The following SLC25A20 variants were observed in gnomAD, a reference collection of about 807,000 sequenced individuals.
SLC25A20 encodes the protein mitochondrial carnitine/acylcarnitine carrier protein.
SLC25A20 carries 29 observed loss-of-function variants against 39.7 expected under a neutral mutation model. The ratio of observed to expected loss-of-function variants is 0.73; its 90% CI spans 0.54 to 1.00. The LOEUF (loss-of-function observed/expected upper bound fraction) is 1.00, where lower values mean the gene tolerates loss of function less well. SLC25A20 is among the 50% of genes least tolerant of loss of function. The pLI, the probability that SLC25A20 is intolerant of heterozygous loss-of-function variation, is 0.00. For missense variants in SLC25A20, 333 were observed against 379.9 expected, an observed-to-expected ratio of 0.88 and a Z score of 1.03; for synonymous variants, 103 against 142.2, an observed-to-expected ratio of 0.72 and a Z score of 1.96.
chr3:48,863,724 A>T (rs1225489538), intron 4 of SLC25A20, among the ~76,000 whole-genome samples: 1 of 152,232 alleles, frequency 6.6e-6, no homozygotes, highest in Non-Finnish European at 1.5e-5. Flanking sequence ...CAGTTAAAAA[A>T]TAATAGAAAA....
At chr3:48,865,975 A>G (rs1303112808) in intron 4 of SLC25A20, among the ~76,000 whole-genome samples, 1 of 147,150 alleles carries the variant, frequency 6.8e-6, no homozygotes, top group Admixed American at 6.8e-5. Flanking sequence ...CTAAAAATAC[A>G]AAAAAAAAAT....
intron 1 of SLC25A20, 116 bp from the exon 2 acceptor site, chr3:48,892,188 T>G: frequency 1.3e-6 from 1 of 785,634 alleles, no homozygotes; most frequent in East Asian, 2.5e-5. Flanking sequence ...TACATGTCTT[T>G]GGCATTCACT....
chr3:48,898,743 C>T lies in SLC25A20; in HGVS notation c.52G>A (p.Gly18Ser). ...ISPLKNLLAG[G>S]FGGVCLVFVG... Reference sequence around the variant, plus strand: ...AACACCAGGCACACGCCGCCAAAGCCGCCGGCCAGCAGGTTCTTGAGCGGG... The same window carrying T: ...AACACCAGGCACACGCCGCCAAAGCTGCCGGCCAGCAGGTTCTTGAGCGGG... The change falls in exon 1 of 9, where the codon GGC (glycine) becomes AGC (serine). Residue 18 changes from glycine to serine, a missense_variant. Coordinates refer to ENST00000319017, the MANE Select transcript of SLC25A20 (RefSeq NM_000387.6). The T allele has an allele frequency of 6.2e-7, 1 of 1,608,548 alleles. No homozygotes were observed. Among genetic ancestry groups the T allele is most frequent in the Non-Finnish European group, 8.5e-7 (1 of 1,177,946 alleles).
intron 1 of SLC25A20, among the ~76,000 whole-genome samples, chr3:48,896,101 C>T (rs2106669874): frequency 6.7e-6 from 1 of 148,940 alleles, no homozygotes; most frequent in South Asian, 2.1e-4. Flanking sequence ...GATCCTGCCA[C>T]TGTACTCCAG....
chr3:48,878,928 C>A (rs2083781005), intron 4 of SLC25A20, among the ~76,000 whole-genome samples: 1 of 151,904 alleles, frequency 6.6e-6, no homozygotes. Flanking sequence ...GGCTGCAGTG[C>A]AGTGGCGTGA....
chr3:48,891,040 C>T (rs892468527), intron 2 of SLC25A20, among the ~76,000 whole-genome samples: 2 of 152,084 alleles, frequency 1.3e-5, no homozygotes, highest in African/African-American at 2.4e-5. Flanking sequence ...GTGGTCCCCC[C>T]GGCCCAGCTG....
At chr3:48,886,974 A>C (rs2083834266) in intron 2 of SLC25A20, among the ~76,000 whole-genome samples, 1 of 152,198 alleles carries the variant, frequency 6.6e-6, no homozygotes, top group African/African-American at 2.4e-5. Context: ...CTTTCTTTTC[A>C]GAATCAAAGT....
intron 4 of SLC25A20, among the ~76,000 whole-genome samples, chr3:48,868,532 GC>G (rs1337608380): frequency 6.6e-6 from 1 of 152,122 alleles, no homozygotes; most frequent in Non-Finnish European, 1.5e-5. Flanking sequence ...TGGACCAACG[GC>G]AGCAGAGAAA....
chr3:48,865,985 T>A (rs1383833960), intron 4 of SLC25A20, among the ~76,000 whole-genome samples: 5 of 146,334 alleles, frequency 3.4e-5, no homozygotes, highest in African/African-American at 1.0e-4. Context: ...AAAAAAAAAA[T>A]TAGCTGGGCC....
chr3:48,866,270 A>C (rs957283265), intron 4 of SLC25A20, among the ~76,000 whole-genome samples: 2 of 151,096 alleles, frequency 1.3e-5, no homozygotes, highest in African/African-American at 4.9e-5. Context: ...AAAACCAGAA[A>C]CAGGCTGGTG....
chr3:48,882,723 T>TA (rs1157272683), intron 3 of SLC25A20, among the ~76,000 whole-genome samples: 1 of 151,788 alleles, frequency 6.6e-6, no homozygotes, highest in Non-Finnish European at 1.5e-5. Flanking sequence ...CGACCATTGC[T>TA]AAAAAAAATT....
intron 2 of SLC25A20, among the ~76,000 whole-genome samples, chr3:48,891,461 C>T (rs1165546804): frequency 6.6e-6 from 1 of 152,158 alleles, no homozygotes; most frequent in African/African-American, 2.4e-5. Context: ...ACTCTACCTC[C>T]TGGTGGAGTG....
intron 4 of SLC25A20, among the ~76,000 whole-genome samples, chr3:48,867,710 G>A (rs1490482876): frequency 6.6e-6 from 1 of 151,566 alleles, no homozygotes; most frequent in African/African-American, 2.4e-5. Flanking sequence ...GAGGAGATGG[G>A]ATCCAGTGCA....
At chr3:48,882,958 G>GTCT (rs1411277648) in intron 3 of SLC25A20, among the ~76,000 whole-genome samples, 3 of 149,876 alleles carry the variant, frequency 2.0e-5, no homozygotes, top group African/African-American at 7.4e-5. Context: ...GGGGCCAAAG[G>GTCT]GGGCGGATCA....
chr3:48,872,138 ATT>A (rs940506945), intron 4 of SLC25A20, among the ~76,000 whole-genome samples: 1 of 139,040 alleles, frequency 7.2e-6, no homozygotes, highest in Admixed American at 7.3e-5. Flanking sequence ...CTGCCCAATG[ATT>A]TTTTTTTTTT....
chr3:48,898,159 G>A (rs535060411), intron 1 of SLC25A20, among the ~76,000 whole-genome samples: 38 of 152,296 alleles, frequency 2.5e-4, no homozygotes, highest in African/African-American at 9.1e-4. Context: ...TGCCCAGGAG[G>A]CTGAGCAGGC....
chr3:48,857,989 T>C (rs1302702814), intron 8 of SLC25A20, among the ~76,000 whole-genome samples: 1 of 147,056 alleles, frequency 6.8e-6, no homozygotes, highest in Non-Finnish European at 1.5e-5. Flanking sequence ...TTTTTTGAGA[T>C]GGAGTTTTGC....
chr3:48,859,663 T>C (rs780175744), intron 5 of SLC25A20, 36 bp from the exon 6 acceptor site: 62 of 1,520,498 alleles, frequency 4.1e-5, no homozygotes, highest in Non-Finnish European at 5.4e-5. Flanking sequence ...TTAAAGTACA[T>C]AAACTCTTCG....
intron 3 of SLC25A20, among the ~76,000 whole-genome samples, chr3:48,880,401 C>T (rs142165751): frequency 2.0e-5 from 3 of 151,148 alleles, no homozygotes; most frequent in African/African-American, 4.9e-5. Context: ...CCTCAGCTCC[C>T]GAGTAGCTGG....
Sources: gnomAD v4.1 joint callset for allele counts (sites outside exome capture counted in the v4.1 genomes callset) on GRCh38, gnomAD v4.1.1 for gene constraint, MANE v1.5 for transcripts, NCBI Gene and HGNC (gene_info 2026-07-23, HGNC 2026-07-21) for gene names.